The following LMAN2 variants were observed in gnomAD, a reference collection of about 807,000 sequenced individuals.
LMAN2 encodes lectin, mannose binding 2.
A neutral mutation model predicts 39.3 loss-of-function variants in LMAN2; 22 were observed. The ratio of observed to expected loss-of-function variants is 0.56; its 90% CI spans 0.40 to 0.80. The LOEUF (loss-of-function observed/expected upper bound fraction) is 0.80. LMAN2 is among the 30% of genes least tolerant of loss of function. LMAN2 has a pLI of 0.00. For synonymous variants in LMAN2, 207 were observed against 207.8 expected, an observed-to-expected ratio of 1.00 and a Z score of 0.03; for missense variants, 494 against 505.4, an observed-to-expected ratio of 0.98 and a Z score of 0.22.
intron 2 of LMAN2, among the ~76,000 whole-genome samples, chr5:177,348,841 G>A (rs1477982069): frequency 1.4e-5 from 2 of 138,586 alleles, no homozygotes; most frequent in African/African-American, 2.8e-5. Flanking sequence ...CCGAGACTGC[G>A]CCACTGCCCT....
chr5:177,332,257 A>C lies in LMAN2; in HGVS notation c.911-11T>G, dbSNP rs200583889. On this transcript the variant is annotated splice_polypyrimidine_tract_variant and intron_variant, in intron 7 of 7. Coordinates refer to ENST00000303127, the MANE Select transcript of LMAN2 (RefSeq NM_006816.3). This position sits in a 1 kb window ranked among gnomAD's most constrained non-coding sequence, Gnocchi z 6.3. ...GGTCGTCCACGTTGTCTGGGGGAGA[A>C]GAAACGGGGGAGCTGAAACGGCAGC... 3 of 1,610,890 alleles carry C rather than the reference A, an allele frequency of 1.9e-6. No individual in the cohort carries two copies. The African/African-American group carries it at 4.0e-5, about 21-fold the overall frequency.
chr5:177,336,855 A>G (rs933900302), intron 6 of LMAN2: 8 of 510,442 alleles, frequency 1.6e-5, no homozygotes, highest in Middle Eastern at 5.4e-4. Context: ...TTACAGAAGA[A>G]AGGAGGAGGA....
intron 6 of LMAN2, among the ~76,000 whole-genome samples, chr5:177,335,433 G>A (rs1376191096): frequency 6.6e-6 from 1 of 152,214 alleles, no homozygotes; most frequent in Non-Finnish European, 1.5e-5. Context: ...GATGACCCCT[G>A]ACCAGTGGTC....
intron 6 of LMAN2, among the ~76,000 whole-genome samples, chr5:177,336,731 G>A (rs146337328): frequency 6.6e-6 from 1 of 152,340 alleles, no homozygotes; most frequent in East Asian, 1.9e-4. Flanking sequence ...GAGCGGTCTG[G>A]GCTGGAGATA....
chr5:177,343,695 T>G lies in LMAN2; in HGVS notation c.316-5090A>C, dbSNP rs116639275. 2.9e-3 allele frequency among the ~76,000 whole-genome samples: 433 copies of G among 147,682 alleles called. 2 individuals are homozygous for G. The highest frequency in any genetic ancestry group is 0.011 in the African/African-American group (413 of 38,986). On this transcript the variant is annotated intron_variant, in intron 2 of 7. Coordinates refer to ENST00000303127, the MANE Select transcript of LMAN2 (RefSeq NM_006816.3). ...AGTAAAATAAGTCAAAGAAGACAAATATTGTATGCCTCCATTTATCATTTA... is the reference window on the plus strand; with the variant it reads ...AGTAAAATAAGTCAAAGAAGACAAAGATTGTATGCCTCCATTTATCATTTA...
intron 6 of LMAN2, 23 bp from the exon 7 acceptor site, chr5:177,334,426 G>A (rs1761439445): frequency 6.2e-7 from 1 of 1,606,804 alleles, no homozygotes; most frequent in African/African-American, 1.3e-5. Flanking sequence ...GAATAAACCT[G>A]TGACAGCCTA....
At position 177,339,356 on chromosome 5, in the gene LMAN2, G is replaced by A. The variant is rs931895205; in HGVS notation, c.316-751C>T. On this transcript the variant is annotated intron_variant, in intron 2 of 7. Coordinates refer to ENST00000303127, the MANE Select transcript of LMAN2 (RefSeq NM_006816.3). ...GACTCCAAAACCCAGCCCTTCACCA[G>A]TTCACCTCCCCAGCCCAGCCTAAGT... Among the ~76,000 whole-genome samples the A allele has an allele frequency of 2.0e-5, 3 of 152,214 alleles. No homozygotes were observed. The South Asian group carries it at 6.2e-4, about 31-fold the overall frequency.
At position 177,337,153 on chromosome 5, in the gene LMAN2, C is replaced by G. The variant is rs765017453; in HGVS notation, c.773G>C (p.Gly258Ala). Residue 258 changes from glycine to alanine, a missense_variant, in exon 6 of 8, where the codon GGC (glycine) becomes GCC (alanine). Physicochemically the swap from Gly to Ala is moderately conservative, Grantham distance 60. Coordinates refer to ENST00000303127, the MANE Select transcript of LMAN2 (RefSeq NM_006816.3). This position sits in a 1 kb window ranked among gnomAD's most constrained non-coding sequence, Gnocchi z 8.2. ...PTGYYFGASA[G>A]TGDLSDNHDI... Reference sequence around the variant, plus strand: ...CCACTCACCAGACAGGTCGCCGGTGCCGGCGGAGGCCCCGAAGTAGTAGCC... The same window carrying G: ...CCACTCACCAGACAGGTCGCCGGTGGCGGCGGAGGCCCCGAAGTAGTAGCC... 1.2e-6 allele frequency: 2 copies of G among 1,613,240 alleles called. No homozygotes were observed. The highest frequency in any genetic ancestry group is 1.7e-5 in the Admixed American group (1 of 60,026).
chr5:177,348,113 A>T (rs1761662087), intron 2 of LMAN2, among the ~76,000 whole-genome samples: 1 of 152,168 alleles, frequency 6.6e-6, no homozygotes, highest in South Asian at 2.1e-4. Context: ...GGGGGGTGAC[A>T]TCCTACTGAG....
intron 2 of LMAN2, among the ~76,000 whole-genome samples, chr5:177,341,134 T>A (rs1761548801): frequency 6.7e-6 from 1 of 150,108 alleles, no homozygotes; most frequent in South Asian, 2.1e-4. Context: ...TGGCGTGATC[T>A]TGGCTCACTG....
At chr5:177,343,235 C>T (rs2127317900) in intron 2 of LMAN2, among the ~76,000 whole-genome samples, 1 of 152,206 alleles carries the variant, frequency 6.6e-6, no homozygotes, top group South Asian at 2.1e-4. Flanking sequence ...AGCCTGGCGA[C>T]AGGGCGAGAC....
chr5:177,341,113 C>A (rs1761548402), intron 2 of LMAN2, among the ~76,000 whole-genome samples: 1 of 132,370 alleles, frequency 7.6e-6, no homozygotes. Flanking sequence ...GTTGCCCAGG[C>A]TGGAGTGCAA....
intron 6 of LMAN2, chr5:177,336,867 G>T: frequency 1.9e-6 from 1 of 527,324 alleles, no homozygotes; most frequent in Non-Finnish European, 3.4e-6. Context: ...GGAGGAGGAG[G>T]AACACAGCCA....
intron 2 of LMAN2, among the ~76,000 whole-genome samples, chr5:177,347,054 G>A (rs1236509281): frequency 6.6e-6 from 1 of 152,088 alleles, no homozygotes; most frequent in African/African-American, 2.4e-5. Flanking sequence ...AATTCCATCA[G>A]CTATCTAACA....
At position 177,337,183 on chromosome 5, in the gene LMAN2, G is replaced by A; in HGVS notation, c.743C>T (p.Pro248Leu). The A allele has an allele frequency of 1.9e-6, 3 of 1,613,986 alleles. No individual in the cohort carries two copies. The highest frequency in any genetic ancestry group is 2.5e-6 in the Non-Finnish European group (3 of 1,179,978). Residue 248 changes from proline (P) to leucine (L), a missense_variant, in exon 6 of 8, where the codon CCC becomes CTC. Pro to Leu is a moderately conservative substitution (Grantham distance 98). Coordinates refer to ENST00000303127, the MANE Select transcript of LMAN2 (RefSeq NM_006816.3). This position sits in a 1 kb window ranked among gnomAD's most constrained non-coding sequence, Gnocchi z 8.2. ...GGAGGCCCCGAAGTAGTAGCCGGTG[G>A]GCAGGCGCACTCCCGTGATGTCAAT... ...NCIDITGVRL[P>L]TGYYFGASAG...
At position 177,338,592 on chromosome 5, in the gene LMAN2, T is replaced by C. The variant is rs1289043398; in HGVS notation, c.329A>G (p.Lys110Arg). 6.2e-7 allele frequency: 1 copy of C among 1,614,200 alleles called. No individual in the cohort carries two copies. Among genetic ancestry groups the C allele is most frequent in the Non-Finnish European group, 8.5e-7 (1 of 1,180,022 alleles). ...SIWNHQPCFL[K>R]DWEMHVHFKV... is the part of the protein sequence containing the mutation. ...GAAGTGGACGTGCATTTCCCAGTCT[T>C]TGAGGAAGCACGGCTGGAGGGAGAG... The change falls in exon 3 of 8, where the codon AAA (lysine) becomes AGA (arginine). Residue 110 changes from lysine (K) to arginine (R), a missense_variant. Coordinates refer to ENST00000303127, the MANE Select transcript of LMAN2 (RefSeq NM_006816.3).
chr5:177,350,519 C>T (rs1045867859), intron 2 of LMAN2, among the ~76,000 whole-genome samples: 3 of 152,222 alleles, frequency 2.0e-5, no homozygotes, highest in South Asian at 4.1e-4. Flanking sequence ...AGTCCCTCCA[C>T]ACTACTGATG....
At chr5:177,349,119 G>A (rs1259271348) in intron 2 of LMAN2, among the ~76,000 whole-genome samples, 1 of 152,050 alleles carries the variant, frequency 6.6e-6, no homozygotes, top group Admixed American at 6.6e-5. Context: ...CCCCCAAAAG[G>A]ACAGGGCCTG....
chr5:177,343,362 T>C (rs941632669), intron 2 of LMAN2, among the ~76,000 whole-genome samples: 6 of 152,212 alleles, frequency 3.9e-5, no homozygotes, highest in Non-Finnish European at 5.9e-5. Context: ...GAAAACCGTT[T>C]GGTAGTCCTC....
Sources: allele counts gnomAD v4.1 joint callset (sites outside exome capture counted in the v4.1 genomes callset), GRCh38; gene constraint gnomAD v4.1.1; non-coding constraint Gnocchi (gnomAD v3.1); transcripts MANE v1.5; gene names NCBI Gene and HGNC (gene_info 2026-07-23, HGNC 2026-07-21).